GPT2: variants seen among roughly 807,000 people sequenced by gnomAD.
GPT2 encodes the protein glutamic--pyruvic transaminase 2, also known as alanine aminotransferase 2.
In GPT2, 30 loss-of-function variants were observed where a neutral mutation model predicts 56.9. That is an observed-to-expected ratio of 0.53 (90% CI 0.39 to 0.72). GPT2 has a LOEUF of 0.72. Among genes scored for constraint, GPT2 ranks in the 30% least tolerant of loss-of-function variants. GPT2 has a pLI of 0.00. For synonymous variants in GPT2, 271 were observed against 283.1 expected, an observed-to-expected ratio of 0.96 and a Z score of 0.43; for missense variants, 542 against 703.4, an observed-to-expected ratio of 0.77 and a Z score of 2.60.
At chr16:46,916,029 C>T (rs1961152073) in intron 6 of GPT2, 1 of 153,292 alleles carries the variant, frequency 6.5e-6, no homozygotes, top group Admixed American at 6.4e-5. Context: ...TACCACACCA[C>T]ACCTACACAC....
chr16:46,924,661 T>C lies in GPT2; in HGVS notation c.1368+117T>C. ...CTGGCCCTGGAGGCTCGGAACTGTA[T>C]GCACCTCTCGGCCAGAGGGTGTTGA... On this transcript the variant is annotated intron_variant, in intron 10 of 11. Coordinates refer to ENST00000340124, the MANE Select transcript of GPT2 (RefSeq NM_133443.4). 2.9e-6 allele frequency: 3 copies of C among 1,051,228 alleles called. 1 individual carries two copies. The highest frequency in any genetic ancestry group is 3.0e-5 in the South Asian group (2 of 67,088). The allele number at this position is 1,051,228 out of a possible 1,614,324, so 65.1% of individuals were successfully genotyped here.
intron 10 of GPT2, among the ~76,000 whole-genome samples, chr16:46,926,236 G>A (rs1228080580): frequency 3.3e-5 from 5 of 151,220 alleles, no homozygotes; most frequent in Non-Finnish European, 5.9e-5. Context: ...ATCCCTTGAG[G>A]TCAGGAGTTC....
chr16:46,918,707 CA>C lies in GPT2; in HGVS notation c.989del (p.Asn330ThrfsTer27). 6.2e-7 allele frequency: 1 copy of C among 1,614,212 alleles called. No homozygotes were observed. Among genetic ancestry groups the C allele is most frequent in the Non-Finnish European group, 8.5e-7 (1 of 1,180,030 alleles). ...ACGAGATGGGGCCCGAGTACTCCAG[CA>C]ACGTGGAGCTCGCCTCCTTCCACTC... is the stretch of plus-strand genomic sequence containing the variant. ...LYEMGPEYSSNVELASFHSTS... is the reference protein window; with the variant it reads ...LYEMGPEYSSXVELASFHSTS... On this transcript the variant is annotated frameshift_variant, in exon 8 of 12. Transcript: ENST00000340124. LOFTEE classifies it high-confidence loss of function.
chr16:46,912,618 G>A (rs959644500), intron 6 of GPT2, among the ~76,000 whole-genome samples: 3 of 152,216 alleles, frequency 2.0e-5, no homozygotes, highest in Non-Finnish European at 2.9e-5. Flanking sequence ...TTGGTTCACA[G>A]TTCTGCAGAC....
chr16:46,918,618 C>CA lies in GPT2; in HGVS notation c.901-2dup. On this transcript the variant is annotated splice_polypyrimidine_tract_variant and splice_region_variant and intron_variant, in intron 7 of 11. Coordinates refer to ENST00000340124, the MANE Select transcript of GPT2 (RefSeq NM_133443.4). ...GGTGACCGTCCCTGCCGTGCCCCCG[C>CA]AGGTGTACCAGGACAACGTGTACTC... 1 of 1,614,062 alleles carries CA rather than the reference C, an allele frequency of 6.2e-7. No individual in the cohort carries two copies. Among genetic ancestry groups the CA allele is most frequent in the Non-Finnish European group, 8.5e-7 (1 of 1,179,942 alleles).
chr16:46,885,056 TG>T, intron 2 of GPT2, 98 bp downstream of exon 2: 2 of 1,362,612 alleles, frequency 1.5e-6, no homozygotes, highest in Non-Finnish European at 1.9e-6. Context: ...TCCACCCCCA[TG>T]GCCAGCTCCT....
intron 2 of GPT2, among the ~76,000 whole-genome samples, chr16:46,887,421 T>A (rs1277561091): frequency 6.6e-6 from 1 of 152,150 alleles, no homozygotes. Context: ...TGAGCCGAGA[T>A]GCACTCCAGC....
chr16:46,898,871 C>T (rs1567334926), intron 3 of GPT2, among the ~76,000 whole-genome samples: 1 of 138,820 alleles, frequency 7.2e-6, no homozygotes, highest in African/African-American at 2.7e-5. Flanking sequence ...TATTTATATA[C>T]ATATATATAT....
chr16:46,887,562 A>G (rs1960508473), intron 2 of GPT2, among the ~76,000 whole-genome samples: 1 of 152,140 alleles, frequency 6.6e-6, no homozygotes, highest in Non-Finnish European at 1.5e-5. Flanking sequence ...CAGGTTCCCT[A>G]GAGTATAAAC....
intron 6 of GPT2, 191 bp from the exon 7 acceptor site, chr16:46,916,437 T>G (rs1961164900): frequency 3.4e-6 from 2 of 595,154 alleles, no homozygotes; most frequent in South Asian, 4.4e-5. Context: ...CACAGGCTGC[T>G]CTTCTGGGCG....
In GPT2 at chr16:46,930,902, T is replaced by C. The variant is rs1471615303; in HGVS notation, c.*1905T>C. ...GGTCAGCTAGTCTAGGAGGTTAACG[T>C]CGGGTAGGAATGCTGATCATGATAG... On this transcript the variant is annotated 3_prime_UTR_variant, in exon 12 of 12. Coordinates refer to ENST00000340124, the MANE Select transcript of GPT2 (RefSeq NM_133443.4). The C allele has an allele frequency of 2.0e-5, 3 of 152,682 alleles. No homozygotes were observed. In the East Asian group the frequency reaches 5.8e-4, roughly 29 times the overall value. 9.5% of individuals were successfully genotyped at this position (152,682 alleles called of 1,614,324 possible). A position where few individuals can be genotyped will look rare whatever the true frequency, so the allele number is the denominator to read the frequency against.
chr16:46,924,312 C>A, intron 9 of GPT2, 77 bp from the exon 10 acceptor site: 1 of 1,512,118 alleles, frequency 6.6e-7, no homozygotes, highest in Non-Finnish European at 9.2e-7. Context: ...TCCGCAAGTG[C>A]TGCAGGAAAG....
Position 46,922,344 on chromosome 16 carries a change from TGGGCAG to T in GPT2, c.1142_1147del (p.Gly381_Gln382del), listed in dbSNP as rs1961305556. The T allele has an allele frequency of 6.2e-7, 1 of 1,614,024 alleles. No individual in the cohort carries two copies. Among genetic ancestry groups the T allele is most frequent in the Non-Finnish European group, 8.5e-7 (1 of 1,180,026 alleles). On this transcript the variant is annotated inframe_deletion, in exon 9 of 12. Transcript: ENST00000340124. ...CGGTGCGCCTGTGCCCCCCAGTGTCTGGGCAGGCCGCCATGGACATTGTCGTGAACC... is the reference window on the plus strand; with the variant it reads ...CGGTGCGCCTGTGCCCCCCAGTGTCTGCCGCCATGGACATTGTCGTGAACC...
chr16:46,914,145 T>C (rs1003381729), intron 6 of GPT2, among the ~76,000 whole-genome samples: 1 of 152,144 alleles, frequency 6.6e-6, no homozygotes, highest in Non-Finnish European at 1.5e-5. Flanking sequence ...CGAGGGAAGG[T>C]CCCATTTCTA....
At chr16:46,895,381 C>T (rs959181404) in intron 2 of GPT2, among the ~76,000 whole-genome samples, 3 of 152,058 alleles carry the variant, frequency 2.0e-5, no homozygotes, top group Middle Eastern at 3.4e-3. Flanking sequence ...AAAAATTAGC[C>T]GGGTGTGGTG....
At chr16:46,892,162 CAT>C (rs1350828417) in intron 2 of GPT2, among the ~76,000 whole-genome samples, 1 of 152,186 alleles carries the variant, frequency 6.6e-6, no homozygotes, top group East Asian at 1.9e-4. Context: ...TTAGATTCCA[CAT>C]ATGAGTGAGA....
chr16:46,912,417 C>T (rs1961063869), intron 6 of GPT2, among the ~76,000 whole-genome samples: 1 of 152,182 alleles, frequency 6.6e-6, no homozygotes, highest in African/African-American at 2.4e-5. Flanking sequence ...GAGCCTCTTC[C>T]AGAGTTTCAC....
At chr16:46,889,707 T>C (rs1960551436) in intron 2 of GPT2, among the ~76,000 whole-genome samples, 1 of 152,242 alleles carries the variant, frequency 6.6e-6, no homozygotes, top group South Asian at 2.1e-4. Flanking sequence ...TTTACTCTTC[T>C]GCAAAATGTG....
At chr16:46,919,334 G>A (rs1025528066) in intron 8 of GPT2, among the ~76,000 whole-genome samples, 2 of 152,200 alleles carry the variant, frequency 1.3e-5, no homozygotes, top group Non-Finnish European at 2.9e-5. Flanking sequence ...TGAGTAAATC[G>A]TGCGTCCCAC....
Sources: allele counts gnomAD v4.1 joint callset (sites outside exome capture counted in the v4.1 genomes callset), GRCh38; gene constraint gnomAD v4.1.1; transcripts MANE v1.5; gene names NCBI Gene and HGNC (gene_info 2026-07-23, HGNC 2026-07-21).